TIAM1: variants seen among roughly 807,000 people sequenced by gnomAD.
The protein encoded by TIAM1 is rho guanine nucleotide exchange factor TIAM1.
Under a neutral mutation model 163.5 loss-of-function variants are expected in TIAM1, and 65 were observed. The observed-to-expected ratio is 0.40, with a 90% CI of 0.33 to 0.49. TIAM1 has a LOEUF of 0.49. TIAM1 is among the 20% of genes least tolerant of loss of function. The pLI is 0.77. For missense variants in TIAM1, 1,789 were observed against 2,044.7 expected, an observed-to-expected ratio of 0.87 and a Z score of 2.41; for synonymous variants, 833 against 810.1, an observed-to-expected ratio of 1.03 and a Z score of -0.48.
At chr21:31,556,230 T>C (rs897180737) in intron 1 of TIAM1, among the ~76,000 whole-genome samples, 2 of 152,124 alleles carry the variant, frequency 1.3e-5, no homozygotes, top group Admixed American at 1.3e-4. Context: ...CAACTTTAAA[T>C]AGGTTATCAT....
Position 31,229,656 on chromosome 21 carries a change from C to G in TIAM1, c.1585-3706G>C, listed in dbSNP as rs187187864. ...TAGGGGAGTTCGTGTCTTCACCCCC[C>G]CTTTTTTTTTTGAGATGGAATCTTT... On this transcript the variant is annotated intron_variant, in intron 6 of 27. Coordinates refer to ENST00000541036, the MANE Select transcript of TIAM1 (RefSeq NM_001353694.2). Among the ~76,000 whole-genome samples, 686 of 149,086 alleles carry G rather than the reference C, an allele frequency of 4.6e-3. 5 individuals carry two copies. The highest frequency in any genetic ancestry group is 0.016 in the African/African-American group (636 of 38,674).
intron 2 of TIAM1, among the ~76,000 whole-genome samples, chr21:31,420,029 A>G (rs1232916391): frequency 6.6e-6 from 1 of 152,250 alleles, no homozygotes; most frequent in Non-Finnish European, 1.5e-5. Flanking sequence ...AGCCTGGGCA[A>G]CAAAAGCAAA....
intron 2 of TIAM1, among the ~76,000 whole-genome samples, chr21:31,436,994 A>T (rs1257469719): frequency 6.6e-6 from 1 of 152,034 alleles, no homozygotes; most frequent in East Asian, 1.9e-4. Flanking sequence ...ATACAATATA[A>T]AACCTTCGCC....
At position 31,182,502 on chromosome 21, in the gene TIAM1, G is replaced by A; in HGVS notation, c.2806C>T (p.Leu936=). Residue 936 remains leucine, a synonymous_variant, in exon 15 of 28, where the codon CTG becomes TTG. Transcript: ENST00000541036. ...ACTCGGTGGGGCGGGCTTTCCAGCA[G>A]CTCCACTCCTTCCTCCAGCTCGGGG... ...TYPELEEGVE[L]LESPPHRVDG... 6.2e-7 allele frequency: 1 copy of A among 1,613,242 alleles called. No homozygotes were observed. The highest frequency in any genetic ancestry group is 8.5e-7 in the Non-Finnish European group (1 of 1,179,712).
At chr21:31,276,052 A>G (rs1366139190) in intron 3 of TIAM1, among the ~76,000 whole-genome samples, 2 of 152,162 alleles carry the variant, frequency 1.3e-5, no homozygotes, top group African/African-American at 4.8e-5. Flanking sequence ...AAATCACAAG[A>G]CAACAGATTG....
At chr21:31,278,110 C>G (rs1413563462) in intron 2 of TIAM1, among the ~76,000 whole-genome samples, 1 of 152,158 alleles carries the variant, frequency 6.6e-6, no homozygotes, top group Non-Finnish European at 1.5e-5. Context: ...ACCAGCAACC[C>G]TCAGTTATTC....
chr21:31,509,704 A>G (rs1001238316), intron 1 of TIAM1, among the ~76,000 whole-genome samples: 3 of 152,194 alleles, frequency 2.0e-5, no homozygotes, highest in Non-Finnish European at 4.4e-5. Flanking sequence ...ACTGTCAGAC[A>G]GAGATCATCT....
chr21:31,555,746 G>C (rs1377950658), intron 1 of TIAM1, among the ~76,000 whole-genome samples: 2 of 152,224 alleles, frequency 1.3e-5, no homozygotes, highest in East Asian at 3.8e-4. Context: ...CTATGAAAGT[G>C]TTGTCTCACA....
At chr21:31,530,575 C>A (rs930476292) in intron 1 of TIAM1, among the ~76,000 whole-genome samples, 1 of 152,230 alleles carries the variant, frequency 6.6e-6, no homozygotes, top group Admixed American at 6.5e-5. Flanking sequence ...TGGAGATCTA[C>A]AAATAAAACT....
intron 26 of TIAM1, among the ~76,000 whole-genome samples, chr21:31,125,322 A>C (rs1342082454): frequency 2.0e-5 from 3 of 152,112 alleles, no homozygotes; most frequent in Non-Finnish European, 4.4e-5. Flanking sequence ...CCCTATTAAC[A>C]ATAAATACGG....
chr21:31,532,413 T>C (rs558228165), intron 1 of TIAM1, among the ~76,000 whole-genome samples: 1 of 152,318 alleles, frequency 6.6e-6, no homozygotes, highest in South Asian at 2.1e-4. Context: ...TTTTATGTCC[T>C]TCATTAATTT....
chr21:31,378,382 T>C (rs900256574), intron 2 of TIAM1, among the ~76,000 whole-genome samples: 1 of 152,196 alleles, frequency 6.6e-6, no homozygotes, highest in Admixed American at 6.5e-5. Flanking sequence ...TGTATGTTAT[T>C]TGCAAACAGG....
chr21:31,455,477 A>C (rs989266645), intron 2 of TIAM1, among the ~76,000 whole-genome samples: 3 of 150,646 alleles, frequency 2.0e-5, no homozygotes, highest in South Asian at 4.2e-4. Flanking sequence ...CAGTGGTATG[A>C]TCTCAGCTCA....
At chr21:31,383,394 A>G (rs985361869) in intron 2 of TIAM1, among the ~76,000 whole-genome samples, 1 of 152,204 alleles carries the variant, frequency 6.6e-6, no homozygotes, top group Admixed American at 6.5e-5. Context: ...AATGATGTTC[A>G]TTGAATACCT....
chr21:31,172,022 G>C (rs889753207), intron 15 of TIAM1, among the ~76,000 whole-genome samples: 2 of 152,196 alleles, frequency 1.3e-5, no homozygotes, highest in Admixed American at 6.5e-5. Context: ...GGCCCAAACT[G>C]CTGAGCCACA....
At chr21:31,251,118 T>A (rs888774921) in intron 5 of TIAM1, among the ~76,000 whole-genome samples, 3 of 152,210 alleles carry the variant, frequency 2.0e-5, no homozygotes, top group African/African-American at 7.2e-5. Context: ...TCCAAAATAG[T>A]CACTTTGAAA....
At chr21:31,296,841 T>C (rs962140194) in intron 2 of TIAM1, among the ~76,000 whole-genome samples, 2 of 152,152 alleles carry the variant, frequency 1.3e-5, no homozygotes, top group African/African-American at 4.8e-5. Flanking sequence ...TTTTTTGTAT[T>C]TTTAGTAGAG....
At chr21:31,498,598 T>C (rs2046743983) in intron 1 of TIAM1, among the ~76,000 whole-genome samples, 1 of 152,136 alleles carries the variant, frequency 6.6e-6, no homozygotes, top group Admixed American at 6.5e-5. Flanking sequence ...GTGATTGATA[T>C]TTGTATTTGA....
intron 1 of TIAM1, among the ~76,000 whole-genome samples, chr21:31,529,133 A>C (rs750195895): frequency 1.3e-5 from 2 of 151,624 alleles, no homozygotes; most frequent in Non-Finnish European, 2.9e-5. Flanking sequence ...GTTAGCCAGG[A>C]TGGTCTCGAT....
Sources: allele counts gnomAD v4.1 joint callset (sites outside exome capture counted in the v4.1 genomes callset), GRCh38; gene constraint gnomAD v4.1.1; transcripts MANE v1.5; gene names NCBI Gene and HGNC (gene_info 2026-07-23, HGNC 2026-07-21).